XRN1: variants seen among roughly 807,000 people sequenced by gnomAD.
The protein encoded by XRN1 is strand-exchange protein 1 homolog.
Under a neutral mutation model 222.3 loss-of-function variants are expected in XRN1, and 67 were observed. The observed-to-expected ratio is 0.30, with a 90% CI of 0.25 to 0.37. The LOEUF is 0.37. Among genes scored for constraint, XRN1 ranks in the 10% least tolerant of loss-of-function variants. XRN1 has a pLI of 1.00. For synonymous variants in XRN1, 643 were observed against 652.4 expected (o/e 0.99, Z 0.22); for missense variants, 1,707 against 2,000.2 (o/e 0.85, Z 2.80).
rs945775485 is a variant in XRN1 at position 142,355,415 on chromosome 3, T to C, written c.3754A>G (p.Thr1252Ala). 2 of 1,568,490 alleles carry C rather than the reference T, an allele frequency of 1.3e-6. No individual in the cohort carries two copies. The highest frequency in any genetic ancestry group is 1.7e-5 in the Admixed American group (1 of 57,430). ...GGAATACTAACCTTCTCTTGTATAG[T>C]TGGCTGAAAGTATTGCATCTTTCCA... ...GSGKMQYFQP[T>A]IQEKGAVLPQ... The change falls in exon 32 of 41, where the codon ACT (threonine) becomes GCT (alanine). Residue 1252 changes from threonine (T) to alanine (A), a missense_variant. Thr to Ala is a moderately conservative substitution (Grantham distance 58). This residue lies in a region of XRN1 where 1,234 missense variants were observed against 1,518.2 expected (regional missense o/e 0.81). Coordinates refer to ENST00000392981, the MANE Select transcript of XRN1 (RefSeq NM_001282857.2).
chr3:142,332,455 A>T lies in XRN1; in HGVS notation c.4142T>A (p.Ile1381Asn). The T allele has an allele frequency of 6.2e-7, 1 of 1,613,308 alleles. No individual in the cohort carries two copies. Among genetic ancestry groups the T allele is most frequent in the Non-Finnish European group, 8.5e-7 (1 of 1,179,474 alleles). The change falls in exon 36 of 41, where the codon ATT becomes AAT. Residue 1381 changes from isoleucine to asparagine, a missense_variant. Around this residue, in one of 2 missense-constraint regions of XRN1, gnomAD observed 473 missense variants for 482.0 expected, o/e 0.98. Coordinates refer to ENST00000392981, the MANE Select transcript of XRN1 (RefSeq NM_001282857.2). ...TVDHKNEIKQIANEIPVSSNR... is the reference protein window; with the variant it reads ...TVDHKNEIKQNANEIPVSSNR... ...AGAGGAAACAGGGATTTCATTAGCAATCTGTTTGATTTCATTCTTATGGTC... is the reference window on the plus strand; with the variant it reads ...AGAGGAAACAGGGATTTCATTAGCATTCTGTTTGATTTCATTCTTATGGTC...
At chr3:142,318,494 T>G in intron 39 of XRN1, 98 bp downstream of exon 39, 1 of 1,132,480 alleles carries the variant, frequency 8.8e-7, no homozygotes, top group Non-Finnish European at 1.3e-6. Flanking sequence ...AATTTCTTCT[T>G]ACATTCCTAG....
chr3:142,321,429 C>T (rs772331583), intron 37 of XRN1, among the ~76,000 whole-genome samples: 1 of 152,086 alleles, frequency 6.6e-6, no homozygotes, highest in Non-Finnish European at 1.5e-5. Flanking sequence ...CTATCCACTT[C>T]CAACTGAATG....
At chr3:142,389,385 T>C (rs763029452) in intron 20 of XRN1, among the ~76,000 whole-genome samples, 1 of 152,202 alleles carries the variant, frequency 6.6e-6, no homozygotes, top group Non-Finnish European at 1.5e-5. Context: ...CAAAGTCATA[T>C]AGGAGGGTCG....
intron 32 of XRN1, 141 bp from the exon 33 acceptor site, chr3:142,347,483 T>C (rs1363905325): frequency 1.9e-6 from 1 of 512,874 alleles, no homozygotes; most frequent in Non-Finnish European, 3.2e-6. Context: ...ATAGAGACTT[T>C]TAAAGCCACT....
chr3:142,364,800 T>C (rs2066764884), intron 29 of XRN1, among the ~76,000 whole-genome samples: 1 of 152,140 alleles, frequency 6.6e-6, no homozygotes, highest in Non-Finnish European at 1.5e-5. Flanking sequence ...GATATAAAAC[T>C]ACTAAATTCT....
chr3:142,374,289 A>C (rs868761694), intron 25 of XRN1, among the ~76,000 whole-genome samples: 2 of 152,202 alleles, frequency 1.3e-5, no homozygotes, highest in Non-Finnish European at 1.5e-5. Context: ...CCTAGAGAGC[A>C]ATCAGTTCAA....
intron 37 of XRN1, among the ~76,000 whole-genome samples, chr3:142,324,383 AT>A (rs2065455979): frequency 6.6e-6 from 1 of 151,572 alleles, no homozygotes; most frequent in East Asian, 1.9e-4. Flanking sequence ...GCTGAGAATG[AT>A]GGTTTCCAGC....
At chr3:142,378,203 C>T (rs1577325101) in intron 23 of XRN1, among the ~76,000 whole-genome samples, 2 of 152,094 alleles carry the variant, frequency 1.3e-5, no homozygotes, top group East Asian at 3.9e-4. Context: ...GAAAGGAAAG[C>T]CACTGGAAAT....
intron 33 of XRN1, among the ~76,000 whole-genome samples, chr3:142,342,019 C>T (rs2066007376): frequency 6.6e-6 from 1 of 152,124 alleles, no homozygotes. Context: ...CAGCATTGTA[C>T]TGACTTTCCA....
At chr3:142,401,622 G>A (rs562583934) in intron 18 of XRN1, among the ~76,000 whole-genome samples, 1 of 152,244 alleles carries the variant, frequency 6.6e-6, no homozygotes, top group East Asian at 1.9e-4. Flanking sequence ...GGAGGCTGAG[G>A]CAGGAGAATC....
intron 15 of XRN1, among the ~76,000 whole-genome samples, chr3:142,411,923 C>T (rs1261200566): frequency 1.3e-5 from 2 of 151,480 alleles, no homozygotes; most frequent in East Asian, 1.9e-4. Context: ...CGGGGGTTCA[C>T]GCCATTCTCC....
At chr3:142,378,814 G>A (rs576602579) in intron 23 of XRN1, among the ~76,000 whole-genome samples, 80 of 152,198 alleles carry the variant, frequency 5.3e-4, no homozygotes, top group African/African-American at 1.6e-3. Context: ...TCCATACCAA[G>A]GCACACATCC....
At chr3:142,383,206 A>T in intron 22 of XRN1, 94 bp downstream of exon 22, 2 of 985,698 alleles carry the variant, frequency 2.0e-6, no homozygotes, top group African/African-American at 1.7e-5. Flanking sequence ...TTTTCCCTTC[A>T]TTATTATATT....
chr3:142,403,528 T>C (rs1447353440), intron 18 of XRN1, 146 bp downstream of exon 18: 1 of 654,958 alleles, frequency 1.5e-6, no homozygotes, highest in East Asian at 2.7e-5. Context: ...TTATCTAATT[T>C]GTATGAATGT....
At chr3:142,404,045 G>GT (rs2068246983) in intron 16 of XRN1, 56 bp from the exon 17 acceptor site, 3 of 1,406,862 alleles carry the variant, frequency 2.1e-6, no homozygotes, top group Admixed American at 3.8e-5. Flanking sequence ...AACAATTACA[G>GT]TTTTTTAACT....
intron 23 of XRN1, among the ~76,000 whole-genome samples, chr3:142,379,572 T>G (rs1363817722): frequency 6.6e-6 from 1 of 152,224 alleles, no homozygotes; most frequent in Non-Finnish European, 1.5e-5. Flanking sequence ...TTCCCTCTAT[T>G]TTAACAAGAG....
rs755050738 is a variant in XRN1, at chr3:142,356,953, C to T, written c.3631G>A (p.Ala1211Thr). 2 of 1,614,082 alleles carry T rather than the reference C, an allele frequency of 1.2e-6. No individual in the cohort carries two copies. The highest frequency in any genetic ancestry group is 2.2e-5 in the East Asian group (1 of 44,860). Residue 1211 changes from alanine to threonine, a missense_variant, in exon 31 of 41, where the codon GCC becomes ACC. By Grantham distance (58) the Ala-to-Thr change is moderately conservative (BLOSUM62 0). Transcript: ENST00000392981. ...SSSVSSGHLGALNHSPQSLFV... is the reference protein window; with the variant it reads ...SSSVSSGHLGTLNHSPQSLFV... ...AGTGATTGAGGGGAATGGTTGAGGG[C>T]TCCCAAATGCCCAGAGGAAACTGAT...
chr3:142,420,911 T>C, intron 10 of XRN1, 105 bp downstream of exon 10: 1 of 1,458,062 alleles, frequency 6.9e-7, no homozygotes, highest in Non-Finnish European at 9.4e-7. Context: ...GGAAGAGAAA[T>C]AAAACGAGGC....
Sources: allele counts gnomAD v4.1 joint callset (sites outside exome capture counted in the v4.1 genomes callset), GRCh38; gene constraint gnomAD v4.1.1; regional missense constraint gnomAD v4.1.1; transcripts MANE v1.5; gene names NCBI Gene and HGNC (gene_info 2026-07-23, HGNC 2026-07-21).